Variants in ACACA observed in about 807,000 individuals in gnomAD.
ACACA encodes acetyl-CoA carboxylase 1.
ACACA carries 103 observed loss-of-function variants against 296.1 expected under a neutral mutation model. The ratio of observed to expected loss-of-function variants is 0.35; its 90% confidence interval spans 0.30 to 0.41. The LOEUF (loss-of-function observed/expected upper bound fraction) is 0.41. ACACA is among the 10% of genes least tolerant of loss of function. ACACA has a pLI of 1.00. For synonymous variants in ACACA, 953 were observed against 1,038.6 expected, an observed-to-expected ratio of 0.92 and a Z score of 1.58; for missense variants, 1,554 against 2,989.7, an observed-to-expected ratio of 0.52 and a Z score of 11.20.
intron 33 of ACACA, among the ~76,000 whole-genome samples, chr17:37,205,401 G>A (rs2078451957): frequency 6.6e-6 from 1 of 152,124 alleles, no homozygotes; most frequent in African/African-American, 2.4e-5. Context: ...TTCAAAGGAG[G>A]GGAGGGGAAG....
intron 29 of ACACA, among the ~76,000 whole-genome samples, chr17:37,213,984 A>G (rs1460676539): frequency 6.6e-6 from 1 of 152,092 alleles, no homozygotes. Flanking sequence ...TTGCTTCCTA[A>G]CTTGAAGAAG....
At chr17:37,322,272 T>A (rs1439550981) in intron 3 of ACACA, among the ~76,000 whole-genome samples, 1 of 152,216 alleles carries the variant, frequency 6.6e-6, no homozygotes, top group Non-Finnish European at 1.5e-5. Context: ...GATAGACATC[T>A]TACGCTGGTT....
intron 10 of ACACA, 39 bp downstream of exon 10, chr17:37,270,712 C>T: frequency 1.4e-6 from 2 of 1,396,740 alleles, no homozygotes; most frequent in South Asian, 2.3e-5. Context: ...CTCTGATATA[C>T]ATGTTAGTTC....
At chr17:37,208,641 C>G (rs1380847328) in intron 30 of ACACA, among the ~76,000 whole-genome samples, 2 of 152,158 alleles carry the variant, frequency 1.3e-5, no homozygotes, top group African/African-American at 2.4e-5. Context: ...ACGGAGATGC[C>G]TGAAGAGAAC....
chr17:37,381,110 A>G (rs1289774209), intron 1 of ACACA, among the ~76,000 whole-genome samples: 1 of 152,028 alleles, frequency 6.6e-6, no homozygotes, highest in East Asian at 1.9e-4. Flanking sequence ...CATAAATGGT[A>G]ACATACCATA....
At chr17:37,279,360 C>G (rs1351301489) in intron 5 of ACACA, among the ~76,000 whole-genome samples, 1 of 152,134 alleles carries the variant, frequency 6.6e-6, no homozygotes, top group Non-Finnish European at 1.5e-5. Flanking sequence ...ATTGGCCAGG[C>G]GCAGTGGCTC....
chr17:37,209,827 G>C (rs1435423777), intron 30 of ACACA, among the ~76,000 whole-genome samples: 3 of 152,126 alleles, frequency 2.0e-5, no homozygotes, highest in Non-Finnish European at 2.9e-5. Context: ...TGGTTCAAGA[G>C]ACAGGAGAAA....
Position 37,339,854 on chromosome 17 carries a change from G to GAA in ACACA, c.39-5_39-4insTT. On this transcript the variant is annotated splice_region_variant and splice_polypyrimidine_tract_variant and intron_variant, in intron 1 of 55. Coordinates refer to ENST00000616317, the MANE Select transcript of ACACA (RefSeq NM_198834.3). ...AGATATCCACTTCCAAAAAGACCTAGAGAGAAAGAGAAAGATTTTAAGGTT... is the reference window on the plus strand; with the variant it reads ...AGATATCCACTTCCAAAAAGACCTAGAAAGAGAAAGAGAAAGATTTTAAGGTT... 6.4e-6 allele frequency: 8 copies of GAA among 1,250,532 alleles called. No individual in the cohort carries two copies. Among genetic ancestry groups the GAA allele is most frequent in the Non-Finnish European group, 9.0e-6 (8 of 891,158 alleles). 77.5% of individuals were successfully genotyped at this position (1,250,532 alleles called of 1,614,324 possible).
intron 33 of ACACA, among the ~76,000 whole-genome samples, chr17:37,203,329 C>T (rs1034769254): frequency 6.6e-6 from 1 of 152,098 alleles, no homozygotes; most frequent in African/African-American, 2.4e-5. Context: ...CAAGAAGTGT[C>T]AAGTTGTGGT....
At chr17:37,121,603 C>CAA in intron 49 of ACACA, 113 bp from the exon 50 acceptor site, 1 of 1,324,996 alleles carries the variant, frequency 7.5e-7, no homozygotes. Flanking sequence ...ATCAGATCAA[C>CAA]AAAAACTATT....
chr17:37,108,476 C>T (rs543757478), intron 52 of ACACA, among the ~76,000 whole-genome samples: 363 of 152,100 alleles, frequency 2.4e-3, no homozygotes, highest in Non-Finnish European at 4.2e-3. Context: ...GCAACCTCCA[C>T]CTCCCAGGTT....
At chr17:37,152,940 C>T (rs1207399299) in intron 43 of ACACA, among the ~76,000 whole-genome samples, 3 of 152,144 alleles carry the variant, frequency 2.0e-5, no homozygotes, top group Non-Finnish European at 2.9e-5. Context: ...TGCATCTCTG[C>T]TTCCCAGATT....
In ACACA at chr17:37,202,171, TCC is replaced by T. The variant is rs1215508263; in HGVS notation, c.4057-1690_4057-1689del. 3.3e-5 allele frequency among the ~76,000 whole-genome samples: 5 copies of T among 152,170 alleles called. No individual in the cohort carries two copies. In the South Asian group the frequency reaches 1.0e-3, roughly 31 times the overall value. On this transcript the variant is annotated intron_variant, in intron 33 of 55. Transcript: ENST00000616317. ...TACTTCTTCTGACATCAACAAAGATTCCACTACAGTCAAGTCCTTCAAAGACA... is the reference window on the plus strand; with the variant it reads ...TACTTCTTCTGACATCAACAAAGATTACTACAGTCAAGTCCTTCAAAGACA...
intron 35 of ACACA, among the ~76,000 whole-genome samples, chr17:37,194,799 T>C (rs1447543820): frequency 2.6e-5 from 4 of 152,198 alleles, no homozygotes; most frequent in Non-Finnish European, 5.9e-5. Context: ...ATTTTAACTG[T>C]AAGACTGCAT....
At chr17:37,216,298 A>G (rs1199150405) in intron 29 of ACACA, among the ~76,000 whole-genome samples, 3 of 151,836 alleles carry the variant, frequency 2.0e-5, no homozygotes, top group Non-Finnish European at 2.9e-5. Context: ...TTAGAAGTAA[A>G]GGGTAAATCC....
intron 24 of ACACA, 57 bp downstream of exon 24, chr17:37,240,419 G>A (rs2080335944): frequency 2.0e-6 from 3 of 1,487,220 alleles, no homozygotes; most frequent in African/African-American, 2.8e-5. Flanking sequence ...GGATAGTTTG[G>A]GTTGGTTATC....
At chr17:37,392,644 GT>G (rs2050930313) in intron 1 of ACACA, 1 of 151,216 alleles carries the variant, frequency 6.6e-6, no homozygotes, top group Non-Finnish European at 1.5e-5. Context: ...AAGAAATTCT[GT>G]TTTCTTAGTT....
chr17:37,399,215 A>G (rs956157397), intron 1 of ACACA, among the ~76,000 whole-genome samples: 3 of 152,070 alleles, frequency 2.0e-5, no homozygotes, highest in Non-Finnish European at 4.4e-5. Context: ...TCCTGATCTC[A>G]AGTGATCCAC....
In ACACA at chr17:37,404,344, GAAC is replaced by G. The variant is rs1300031929; in HGVS notation, c.38+1915_38+1917del. On this transcript the variant is annotated intron_variant, in intron 1 of 55. Transcript: ENST00000616317. ...CACTAATGTTAATCAACTATCTGTT[GAAC>G]AACTACCATGTAAAAGGACAATTTA... 2.0e-5 allele frequency among the ~76,000 whole-genome samples: 3 copies of G among 152,080 alleles called. No homozygotes were observed. The East Asian group carries it at 5.8e-4, about 29-fold the overall frequency.
Sources: gnomAD v4.1 joint callset for allele counts (sites outside exome capture counted in the v4.1 genomes callset) on GRCh38, gnomAD v4.1.1 for gene constraint, MANE v1.5 for transcripts, NCBI Gene and HGNC (gene_info 2026-07-23, HGNC 2026-07-21) for gene names.